The following MIR2052HG variants were observed in gnomAD, a reference collection of about 807,000 sequenced individuals.
The protein encoded by MIR2052HG is MIR2052 host gene.
intron 2 of MIR2052HG, among the ~76,000 whole-genome samples, chr8:74,623,648 A>C (rs1021263345): frequency 6.6e-6 from 1 of 152,176 alleles, no homozygotes; most frequent in African/African-American, 2.4e-5. Context: ...TTTTCTCTCT[A>C]TGACTGTGGT....
chr8:74,701,908 A>G (rs1406788938), intron 2 of MIR2052HG, among the ~76,000 whole-genome samples: 1 of 152,112 alleles, frequency 6.6e-6, no homozygotes, highest in African/African-American at 2.4e-5. Flanking sequence ...ATGGCATGCA[A>G]TGACAAAACA....
intron 2 of MIR2052HG, among the ~76,000 whole-genome samples, chr8:74,684,600 T>C (rs895616375): frequency 6.6e-6 from 1 of 152,124 alleles, no homozygotes; most frequent in East Asian, 1.9e-4. Context: ...TTATATGTTA[T>C]AAAGTCAAAA....
At chr8:74,733,527 T>C (rs1252665367) in intron 4 of MIR2052HG, among the ~76,000 whole-genome samples, 1 of 149,200 alleles carries the variant, frequency 6.7e-6, no homozygotes, top group Non-Finnish European at 1.5e-5. Context: ...TTGTGAATAG[T>C]GCTGCAATAA....
At chr8:74,665,222 T>C (rs1288198828) in intron 2 of MIR2052HG, among the ~76,000 whole-genome samples, 1 of 152,210 alleles carries the variant, frequency 6.6e-6, no homozygotes, top group Non-Finnish European at 1.5e-5. Flanking sequence ...CCCACATCTT[T>C]ACACATGAAA....
At chr8:74,650,609 C>T (rs1046515216) in intron 2 of MIR2052HG, among the ~76,000 whole-genome samples, 1 of 152,040 alleles carries the variant, frequency 6.6e-6, no homozygotes, top group Admixed American at 6.5e-5. Context: ...GTGTGGTAGG[C>T]ACACCACCAA....
At chr8:74,691,889 A>G (rs996362750) in intron 2 of MIR2052HG, among the ~76,000 whole-genome samples, 1 of 152,028 alleles carries the variant, frequency 6.6e-6, no homozygotes, top group Non-Finnish European at 1.5e-5. Flanking sequence ...CCCATTAGTT[A>G]TATTTTTATT....
intron 2 of MIR2052HG, among the ~76,000 whole-genome samples, chr8:74,697,337 A>G (rs1305273542): frequency 6.6e-6 from 1 of 152,208 alleles, no homozygotes; most frequent in Non-Finnish European, 1.5e-5. Flanking sequence ...TTAAGGTAAT[A>G]AAAGCCATCT....
At chr8:74,686,283 A>G (rs1162597428) in intron 2 of MIR2052HG, among the ~76,000 whole-genome samples, 1 of 151,866 alleles carries the variant, frequency 6.6e-6, no homozygotes, top group East Asian at 1.9e-4. Context: ...TCACTACCTT[A>G]TTCTTGACAT....
intron 4 of MIR2052HG, among the ~76,000 whole-genome samples, chr8:74,736,198 G>T (rs553646576): frequency 3.9e-5 from 6 of 152,032 alleles, no homozygotes; most frequent in Non-Finnish European, 7.4e-5. Flanking sequence ...TACTCCTTTG[G>T]TCTCTTTCTT....
chr8:74,665,054 A>G (rs1808907240), intron 2 of MIR2052HG, among the ~76,000 whole-genome samples: 2 of 152,022 alleles, frequency 1.3e-5, no homozygotes, highest in African/African-American at 4.8e-5. Flanking sequence ...TTCTGTTACA[A>G]CTTTCTTTTT....
rs137882346 is a variant in MIR2052HG at position 74,694,109 on chromosome 8, A to T, written n.217-8270A>T. Among the ~76,000 whole-genome samples, 169 of 151,824 alleles carry T rather than the reference A, an allele frequency of 1.1e-3. 4 individuals are homozygous for T. In the East Asian group the frequency reaches 0.015, roughly 14 times the overall value. ...CAAGGACCCTCACAAAGTCCAATTCACTCCTCTGCTACCTCTACTGGAGCA... is the reference window on the plus strand; with the variant it reads ...CAAGGACCCTCACAAAGTCCAATTCTCTCCTCTGCTACCTCTACTGGAGCA... On this transcript the variant is annotated intron_variant and non_coding_transcript_variant, in intron 2 of 6. Coordinates refer to ENST00000523442, the Ensembl canonical transcript of MIR2052HG.
At chr8:74,638,624 T>G (rs1808607659) in intron 2 of MIR2052HG, among the ~76,000 whole-genome samples, 1 of 152,158 alleles carries the variant, frequency 6.6e-6, no homozygotes, top group Non-Finnish European at 1.5e-5. Flanking sequence ...AAGTCAGTGA[T>G]GACACCAATA....
chr8:74,705,854 G>A (rs1365115501), intron 4 of MIR2052HG: 1 of 164,478 alleles, frequency 6.1e-6, no homozygotes, highest in Non-Finnish European at 1.5e-5. Context: ...CCCATGGATA[G>A]CAAGCAGAAA....
At chr8:74,639,347 C>T (rs183897370) in intron 2 of MIR2052HG, among the ~76,000 whole-genome samples, 52 of 152,288 alleles carry the variant, frequency 3.4e-4, no homozygotes, top group Non-Finnish European at 4.4e-5. Context: ...TTATGTTCAT[C>T]TGTCATTTTA....
intron 4 of MIR2052HG, among the ~76,000 whole-genome samples, chr8:74,738,863 G>A (rs1809798201): frequency 6.6e-6 from 1 of 152,178 alleles, no homozygotes; most frequent in Admixed American, 6.5e-5. Context: ...AGGCTTACAC[G>A]CATTCAGTCT....
At chr8:74,710,959 C>A (rs1000445970) in intron 4 of MIR2052HG, among the ~76,000 whole-genome samples, 3 of 152,164 alleles carry the variant, frequency 2.0e-5, no homozygotes, top group Admixed American at 6.6e-5. Flanking sequence ...TTTGACTCAA[C>A]CTGCTCCGTA....
At chr8:74,667,611 C>T (rs905024222) in intron 2 of MIR2052HG, among the ~76,000 whole-genome samples, 2 of 152,060 alleles carry the variant, frequency 1.3e-5, no homozygotes, top group African/African-American at 4.8e-5. Flanking sequence ...GGATGGAATC[C>T]TCCTTGTGGT....
At chr8:74,656,278 G>A (rs1208727178) in intron 2 of MIR2052HG, among the ~76,000 whole-genome samples, 2 of 152,132 alleles carry the variant, frequency 1.3e-5, no homozygotes, top group Admixed American at 6.5e-5. Context: ...GATTGGTTTT[G>A]AAATGTGAGG....
chr8:74,685,269 G>A (rs551479791), intron 2 of MIR2052HG, among the ~76,000 whole-genome samples: 1 of 151,950 alleles, frequency 6.6e-6, no homozygotes, highest in Non-Finnish European at 1.5e-5. Context: ...GAAAAAAGAT[G>A]ATATCCTCCT....
Sources: gnomAD v4.1 joint callset for allele counts (sites outside exome capture counted in the v4.1 genomes callset) on GRCh38, gnomAD v4.1.1 for gene constraint, MANE v1.5 for transcripts, NCBI Gene and HGNC (gene_info 2026-07-23, HGNC 2026-07-21) for gene names.